TMEM117: variants seen among roughly 807,000 people sequenced by gnomAD.
TMEM117 encodes transmembrane protein 117.
TMEM117 carries 27 observed loss-of-function variants against 52.4 expected under a neutral mutation model. That is an observed-to-expected ratio of 0.51 (90% confidence interval 0.38 to 0.71). The LOEUF (loss-of-function observed/expected upper bound fraction) is 0.71. Ranked by LOEUF, TMEM117 falls within the 30% of genes least tolerant of loss-of-function variation. TMEM117 has a pLI of 0.00. For synonymous variants in TMEM117, 215 were observed against 206.3 expected (o/e 1.04, Z -0.36); for missense variants, 556 against 630.5 (o/e 0.88, Z 1.26).
chr12:44,161,389 C>T (rs986920262), intron 4 of TMEM117, among the ~76,000 whole-genome samples: 3 of 152,128 alleles, frequency 2.0e-5, no homozygotes, highest in Non-Finnish European at 4.4e-5. Flanking sequence ...GTAAAGTGAA[C>T]TGATCCCTAC....
the TMEM117 span, among the ~76,000 whole-genome samples, chr12:43,818,691 C>G: frequency 2.5e-4 from 38 of 152,262 alleles, no homozygotes; most frequent in African/African-American, 9.1e-4. Context: ...GATCCGACCG[C>G]CTTGGCTTCT....
chr12:43,868,398 A>AT (rs1212575502), intron 2 of TMEM117, among the ~76,000 whole-genome samples: 4 of 151,128 alleles, frequency 2.6e-5, no homozygotes, highest in East Asian at 3.9e-4. Flanking sequence ...AATAATAATA[A>AT]AAAAAAAGCC....
chr12:44,119,644 C>G (rs1159060390), intron 3 of TMEM117, among the ~76,000 whole-genome samples: 2 of 152,256 alleles, frequency 1.3e-5, no homozygotes, highest in East Asian at 3.9e-4. Context: ...AGATCGTCTT[C>G]CTGACTACCT....
intron 5 of TMEM117, among the ~76,000 whole-genome samples, chr12:44,253,929 C>T (rs527316561): frequency 7.4e-5 from 11 of 148,606 alleles, no homozygotes; most frequent in Middle Eastern, 3.3e-3. Context: ...TTTCTATCCT[C>T]AGTAGAGAAA....
chr12:44,135,152 T>C (rs1948471388), intron 3 of TMEM117, among the ~76,000 whole-genome samples: 1 of 152,216 alleles, frequency 6.6e-6, no homozygotes, highest in African/African-American at 2.4e-5. Context: ...AGATATTTCC[T>C]TCTTTCTCTC....
intron 3 of TMEM117, among the ~76,000 whole-genome samples, chr12:43,971,092 ATTC>A (rs1186503667): frequency 6.6e-5 from 10 of 152,150 alleles, no homozygotes; most frequent in Non-Finnish European, 1.5e-4. Context: ...TGTGTTGTTC[ATTC>A]TTTTTTTTCT....
At position 44,019,393 on chromosome 12, in the gene TMEM117, A is replaced by G. The variant is rs1273419257; in HGVS notation, c.410+75051A>G. 8.5e-5 allele frequency among the ~76,000 whole-genome samples: 13 copies of G among 152,206 alleles called. No homozygotes were observed. In the East Asian group the frequency reaches 1.7e-3, roughly 20 times the overall value. Reference sequence around the variant, plus strand: ...CTTACAGCAGCCCTGACAGAGTGGCAGAGGGAGAAACAGAGGCTTCAGGAG... The same window carrying G: ...CTTACAGCAGCCCTGACAGAGTGGCGGAGGGAGAAACAGAGGCTTCAGGAG... On this transcript the variant is annotated intron_variant, in intron 3 of 7. Transcript: ENST00000266534.
At chr12:44,347,977 G>A (rs1951510765) in intron 6 of TMEM117, among the ~76,000 whole-genome samples, 1 of 152,016 alleles carries the variant, frequency 6.6e-6, no homozygotes, top group South Asian at 2.1e-4. Flanking sequence ...TGAAGTATGT[G>A]CTGAAGAGGG....
At chr12:43,805,818 A>G in the TMEM117 span, 42 of 1,374,690 alleles carry the variant, frequency 3.1e-5, no homozygotes, top group South Asian at 4.6e-4. Flanking sequence ...GGACCATGAA[A>G]AAGAAAACTC....
chr12:43,901,291 C>T (rs558403159), intron 2 of TMEM117, among the ~76,000 whole-genome samples: 3 of 151,944 alleles, frequency 2.0e-5, no homozygotes, highest in South Asian at 2.1e-4. Flanking sequence ...TCATTTGCCC[C>T]GTTTTTTGTT....
At chr12:44,053,283 C>T (rs777367035) in intron 3 of TMEM117, among the ~76,000 whole-genome samples, 9 of 152,122 alleles carry the variant, frequency 5.9e-5, no homozygotes, top group East Asian at 3.9e-4. Context: ...CTTAGGAAAG[C>T]GCTGTAGTTA....
intron 6 of TMEM117, among the ~76,000 whole-genome samples, chr12:44,315,691 G>C (rs968757313): frequency 6.6e-6 from 1 of 152,084 alleles, no homozygotes; most frequent in Admixed American, 6.6e-5. Flanking sequence ...GTGGGCTAAG[G>C]CTTTTCATAG....
chr12:44,372,782 G>A (rs989717712), intron 6 of TMEM117, among the ~76,000 whole-genome samples: 1 of 152,184 alleles, frequency 6.6e-6, no homozygotes. Flanking sequence ...TGACCTAGCA[G>A]AAAGTATGTA....
intron 3 of TMEM117, among the ~76,000 whole-genome samples, chr12:44,128,122 A>T (rs1442379101): frequency 6.6e-6 from 1 of 152,230 alleles, no homozygotes; most frequent in Non-Finnish European, 1.5e-5. Context: ...CTGCTGGGAC[A>T]TATCCTCTGC....
chr12:44,129,280 C>G (rs148830696), intron 3 of TMEM117, among the ~76,000 whole-genome samples: 1 of 152,316 alleles, frequency 6.6e-6, no homozygotes, highest in African/African-American at 2.4e-5. Context: ...GTGTGGCCAT[C>G]CACTTTCCCC....
At chr12:43,820,260 A>C in the TMEM117 span, among the ~76,000 whole-genome samples, 2 of 148,564 alleles carry the variant, frequency 1.3e-5, no homozygotes, top group African/African-American at 5.0e-5. Flanking sequence ...ACCACGCCCA[A>C]CTAATTTTTG....
At chr12:43,930,579 T>A (rs978808045) in intron 2 of TMEM117, among the ~76,000 whole-genome samples, 1 of 152,206 alleles carries the variant, frequency 6.6e-6, no homozygotes, top group Non-Finnish European at 1.5e-5. Flanking sequence ...CTTTCAAGTC[T>A]TGCCTGCCTT....
At chr12:44,081,502 G>T (rs898433819) in intron 3 of TMEM117, among the ~76,000 whole-genome samples, 1 of 152,066 alleles carries the variant, frequency 6.6e-6, no homozygotes, top group Non-Finnish European at 1.5e-5. Flanking sequence ...AGACAGAAGC[G>T]TCTGTGTTCT....
At chr12:43,890,254 ATTTTCC>A (rs1035283284) in intron 2 of TMEM117, among the ~76,000 whole-genome samples, 2 of 152,074 alleles carry the variant, frequency 1.3e-5, no homozygotes, top group Non-Finnish European at 2.9e-5. Context: ...AATTTTTGGT[ATTTTCC>A]TTTCAAATGT....
Sources: gnomAD v4.1 joint callset for allele counts (sites outside exome capture counted in the v4.1 genomes callset) on GRCh38, gnomAD v4.1.1 for gene constraint, MANE v1.5 for transcripts, NCBI Gene and HGNC (gene_info 2026-07-23, HGNC 2026-07-21) for gene names.